The following PDE9A variants were observed in gnomAD, a reference collection of about 807,000 sequenced individuals.
PDE9A encodes the protein phosphodiesterase 9A, also known as high affinity cGMP-specific 3',5'-cyclic phosphodiesterase 9A.
A neutral mutation model predicts 87.4 loss-of-function variants in PDE9A; 60 were observed. The ratio of observed to expected loss-of-function variants is 0.69; its 90% confidence interval spans 0.56 to 0.85. The LOEUF (loss-of-function observed/expected upper bound fraction) is 0.85, where lower values mean the gene tolerates loss of function less well. PDE9A is among the 40% of genes least tolerant of loss of function. PDE9A has a pLI of 0.00. For missense variants in PDE9A, 665 were observed against 779.0 expected (o/e 0.85, Z 1.74); for synonymous variants, 272 against 279.4 (o/e 0.97, Z 0.27).
intron 1 of PDE9A, among the ~76,000 whole-genome samples, chr21:42,671,567 A>ATG (rs927357634): frequency 2.0e-5 from 3 of 152,246 alleles, no homozygotes; most frequent in Non-Finnish European, 4.4e-5. Context: ...ATATGTCCAA[A>ATG]TGTGTATATA....
At chr21:42,724,123 C>T (rs1162481900) in intron 4 of PDE9A, among the ~76,000 whole-genome samples, 1 of 152,138 alleles carries the variant, frequency 6.6e-6, no homozygotes. Context: ...GGTAAGGCCA[C>T]ATTCAGGTGG....
At position 42,659,949 on chromosome 21, in the gene PDE9A, CG is replaced by C. The variant is rs2057362109; in HGVS notation, c.69+6067del. ...ATGCAAATGAGAGATGAAACGGGGA[CG>C]AGCCGGGCAGCTGATCTCAGTGCAG... On this transcript the variant is annotated intron_variant, in intron 1 of 19. Coordinates refer to ENST00000291539, the MANE Select transcript of PDE9A (RefSeq NM_002606.3). This position sits in a 1 kb window ranked among gnomAD's most constrained non-coding sequence, Gnocchi z 4.1. Among the ~76,000 whole-genome samples the C allele has an allele frequency of 6.6e-6, 1 of 152,178 alleles. No individual in the cohort carries two copies. Among genetic ancestry groups the C allele is most frequent in the Admixed American group, 6.5e-5 (1 of 15,284 alleles).
chr21:42,714,376 G>A (rs567155089), intron 4 of PDE9A, among the ~76,000 whole-genome samples: 1 of 152,338 alleles, frequency 6.6e-6, no homozygotes, highest in East Asian at 1.9e-4. Context: ...TATGTGGTGT[G>A]TCGCACCCAG....
intron 10 of PDE9A, chr21:42,758,779 AC>A: frequency 1.9e-6 from 1 of 516,628 alleles, no homozygotes; most frequent in South Asian, 2.4e-5. Context: ...GTGCTCTCAA[AC>A]CCCCACCCAT....
intron 4 of PDE9A, among the ~76,000 whole-genome samples, chr21:42,726,287 C>T (rs1275593676): frequency 6.6e-6 from 1 of 152,086 alleles, no homozygotes; most frequent in Non-Finnish European, 1.5e-5. Flanking sequence ...TTACCAGGAT[C>T]TTTCTCTGAG....
chr21:42,756,148 C>T (rs1302636324), intron 10 of PDE9A, among the ~76,000 whole-genome samples: 4 of 152,374 alleles, frequency 2.6e-5, no homozygotes, highest in Non-Finnish European at 5.9e-5. Flanking sequence ...GGCTCCTGCC[C>T]AGCAGATCTC....
chr21:42,760,534 C>A lies in PDE9A; in HGVS notation c.1002+102C>A. The A allele has an allele frequency of 1.4e-6, 1 of 738,046 alleles. No individual in the cohort carries two copies. Among genetic ancestry groups the A allele is most frequent in the Non-Finnish European group, 2.3e-6 (1 of 435,854 alleles). 45.7% of individuals were successfully genotyped at this position (738,046 alleles called of 1,614,324 possible). A position where few individuals can be genotyped will look rare whatever the true frequency, so the allele number is the denominator to read the frequency against. ...CCCATCCCACCAAGAGAGCCACAGGCGTGGGGTCCCCAGCCGCTCCGCCCC... is the reference window on the plus strand; with the variant it reads ...CCCATCCCACCAAGAGAGCCACAGGAGTGGGGTCCCCAGCCGCTCCGCCCC... On this transcript the variant is annotated intron_variant, in intron 12 of 19. Transcript: ENST00000291539. The surrounding 1 kb of genome is among the most constrained non-coding windows in gnomAD (Gnocchi z 5.2).
At position 42,695,640 on chromosome 21, in the gene PDE9A, T is replaced by TTTCTATATTC; in HGVS notation, c.219-3327_219-3318dup. 6.6e-6 allele frequency among the ~76,000 whole-genome samples: 1 copy of TTTCTATATTC among 152,330 alleles called. No individual in the cohort carries two copies. Among genetic ancestry groups the TTTCTATATTC allele is most frequent in the South Asian group, 2.1e-4 (1 of 4,824 alleles). On this transcript the variant is annotated intron_variant, in intron 3 of 19. Coordinates refer to ENST00000291539, the MANE Select transcript of PDE9A (RefSeq NM_002606.3). The surrounding 1 kb of genome is among the most constrained non-coding windows in gnomAD (Gnocchi z 4.3). ...CGGCCATTCTGGCTTAGAGAAAAGC[T>TTTCTATATTC]TTCTATATTCCAGAATGGCTCCAGG...
At chr21:42,661,011 C>T (rs974713167) in intron 1 of PDE9A, among the ~76,000 whole-genome samples, 2 of 151,462 alleles carry the variant, frequency 1.3e-5, no homozygotes, top group South Asian at 2.1e-4. Flanking sequence ...CATTTTATTC[C>T]GTTTGCTTTA....
At chr21:42,684,748 C>T (rs2839571) in intron 1 of PDE9A, among the ~76,000 whole-genome samples, 59,252 of 151,982 alleles carry the variant, frequency 0.39, 12,812 homozygotes, top group African/African-American at 0.59. Flanking sequence ...CAGCCAGGGA[C>T]ACAGCCGATG....
At chr21:42,718,797 A>G (rs1225347866) in intron 4 of PDE9A, among the ~76,000 whole-genome samples, 1 of 151,724 alleles carries the variant, frequency 6.6e-6, no homozygotes, top group Non-Finnish European at 1.5e-5. Flanking sequence ...TCTCTTGGCC[A>G]TGGGTCACAT....
chr21:42,667,367 C>T (rs1216612152), intron 1 of PDE9A, among the ~76,000 whole-genome samples: 5 of 152,170 alleles, frequency 3.3e-5, no homozygotes, highest in Admixed American at 6.5e-5. Context: ...GGCCACAGTT[C>T]TTAAACTACT....
At position 42,739,786 on chromosome 21, in the gene PDE9A, C is replaced by A. The variant is rs1469668000; in HGVS notation, c.569-3990C>A. ...AACCATGAGCTGGCTTAAAACAGAG[C>A]CTTGTATGGACATGGGAAAAAAATT... On this transcript the variant is annotated intron_variant, in intron 7 of 19. Transcript: ENST00000291539. The surrounding 1 kb of genome is among the most constrained non-coding windows in gnomAD (Gnocchi z 4.1). Among the ~76,000 whole-genome samples the A allele has an allele frequency of 6.6e-6, 1 of 151,876 alleles. No homozygotes were observed. The highest frequency in any genetic ancestry group is 1.9e-4 in the East Asian group (1 of 5,178).
intron 10 of PDE9A, among the ~76,000 whole-genome samples, chr21:42,755,557 G>A (rs2054942238): frequency 6.6e-6 from 1 of 152,216 alleles, no homozygotes; most frequent in East Asian, 1.9e-4. Context: ...TAAATATGCA[G>A]AATGACTGTC....
At chr21:42,761,933 G>GGCCAGGAGGTCCCTCCT in intron 13 of PDE9A, 150 bp from the exon 14 acceptor site, 1 of 708,698 alleles carries the variant, frequency 1.4e-6, no homozygotes, top group Non-Finnish European at 2.3e-6. Flanking sequence ...GGGACCTCCT[G>GGCCAGGAGGTCCCTCCT]GCCAGGCCAG....
Position 42,731,750 on chromosome 21 carries a change from G to A in PDE9A, c.263-20G>A, listed in dbSNP as rs1199828594. ...GAAACTTCCCATATTTGGAAACCCA[G>A]TCCTGCCTGCTTTTTATAGCTGGTG... is the stretch of plus-strand genomic sequence containing the variant. On this transcript the variant is annotated intron_variant, in intron 4 of 19. Coordinates refer to ENST00000291539, the MANE Select transcript of PDE9A (RefSeq NM_002606.3). The A allele has an allele frequency of 6.2e-7, 1 of 1,606,178 alleles. No individual in the cohort carries two copies. Among genetic ancestry groups the A allele is most frequent in the Non-Finnish European group, 8.5e-7 (1 of 1,176,546 alleles).
At chr21:42,681,915 CT>C (rs1407826490) in intron 1 of PDE9A, among the ~76,000 whole-genome samples, 1 of 152,228 alleles carries the variant, frequency 6.6e-6, no homozygotes, top group Non-Finnish European at 1.5e-5. Flanking sequence ...GCCCTATGGC[CT>C]CCTGACGAGG....
chr21:42,769,497 ACGCAGGTACACATGCACACAAG>A (rs1569279500), intron 17 of PDE9A, among the ~76,000 whole-genome samples: 26 of 11,006 alleles, frequency 2.4e-3, no homozygotes, highest in Non-Finnish European at 4.9e-3. Context: ...CACACAAGGC[ACGCAGGTACACATGCACACAAG>A]GCACACAGGC....
intron 7 of PDE9A, among the ~76,000 whole-genome samples, chr21:42,735,887 C>A (rs1240151664): frequency 1.3e-5 from 2 of 152,208 alleles, no homozygotes; most frequent in African/African-American, 4.8e-5. Flanking sequence ...ATATTCTGCA[C>A]TGGGAGGCTG....
Sources: gnomAD v4.1 joint callset for allele counts (sites outside exome capture counted in the v4.1 genomes callset) on GRCh38, gnomAD v4.1.1 for gene constraint, Gnocchi (gnomAD v3.1) non-coding constraint, MANE v1.5 for transcripts, NCBI Gene and HGNC (gene_info 2026-07-23, HGNC 2026-07-21) for gene names.